Variants in RP1 observed in about 807,000 individuals in gnomAD.
RP1 encodes the protein RP1 axonemal microtubule associated.
Under a neutral mutation model 14.8 loss-of-function variants are expected in RP1, and 16 were observed. The observed-to-expected ratio is 1.08, with a 90% CI of 0.73 to 1.65. The LOEUF (loss-of-function observed/expected upper bound fraction) is 1.65. RP1 is among the 40% of genes most tolerant of loss of function. The pLI is 0.00. For missense variants in RP1, 2,631 were observed against 2,535.0 expected, an observed-to-expected ratio of 1.04 and a Z score of -0.81; for synonymous variants, 876 against 883.6, an observed-to-expected ratio of 0.99 and a Z score of 0.15.
In RP1 at chr8:54,625,446, A is replaced by G; in HGVS notation, c.1564A>G (p.Asn522Asp). The G allele has an allele frequency of 6.2e-7, 1 of 1,613,972 alleles. No homozygotes were observed. The change falls in exon 4 of 4, where the codon AAC (asparagine) becomes GAC (aspartate). Residue 522 changes from asparagine (N) to aspartate (D), a missense_variant. Physicochemically the swap from Asn to Asp is conservative, Grantham distance 23. Transcript: ENST00000220676. The stretch of plus-strand genomic sequence containing the variant: ...CAAACCAGTACTTGTTCAGATCAAT[A>G]ACAATGATCAAATGGAGGAGTCATC... The part of the protein sequence containing the change: ...SNKPVLVQIN[N>D]NDQMEESSLE...
intron 26 of RP1, among the ~76,000 whole-genome samples, chr8:54,856,654 C>T (rs1812205647): frequency 6.6e-6 from 1 of 152,074 alleles, no homozygotes; most frequent in African/African-American, 2.4e-5. Flanking sequence ...TAGTACTGAC[C>T]TTATGGGCTG....
intron 14 of RP1, among the ~76,000 whole-genome samples, chr8:54,703,094 G>A (rs1444945287): frequency 6.6e-6 from 1 of 152,086 alleles, no homozygotes. Context: ...TCCTGTTAAT[G>A]TTGAGATTTT....
chr8:54,652,034 G>A (rs993366045), intron 4 of RP1, among the ~76,000 whole-genome samples: 16 of 148,478 alleles, frequency 1.1e-4, no homozygotes, highest in African/African-American at 4.0e-4. Context: ...CTGAGATGGA[G>A]TCTATCTCTC....
intron 14 of RP1, among the ~76,000 whole-genome samples, chr8:54,702,469 A>G (rs752817210): frequency 6.6e-6 from 1 of 152,168 alleles, no homozygotes; most frequent in Non-Finnish European, 1.5e-5. Flanking sequence ...TAAAAAATGT[A>G]CATACCTTAA....
intron 24 of RP1, among the ~76,000 whole-genome samples, chr8:54,797,721 C>A (rs1215101014): frequency 1.3e-5 from 2 of 152,038 alleles, no homozygotes; most frequent in African/African-American, 4.8e-5. Flanking sequence ...CAGAAGAAAA[C>A]TTCGTGTCTT....
intron 1 of RP1, among the ~76,000 whole-genome samples, chr8:54,609,231 TAGG>T (rs1805533058): frequency 6.6e-6 from 1 of 151,626 alleles, no homozygotes; most frequent in Admixed American, 6.6e-5. Context: ...GAGGCCAAGG[TAGG>T]AGGATTACTT....
chr8:54,667,998 G>A (rs187472315), intron 7 of RP1, among the ~76,000 whole-genome samples: 5 of 152,056 alleles, frequency 3.3e-5, no homozygotes, highest in East Asian at 3.9e-4. Flanking sequence ...TGAGGCCAGC[G>A]TCATCCTGAT....
chr8:54,690,128 C>T (rs149395176), intron 12 of RP1, among the ~76,000 whole-genome samples: 17 of 152,020 alleles, frequency 1.1e-4, no homozygotes, highest in African/African-American at 4.1e-4. Context: ...AAAATATAGC[C>T]AATTTCAATA....
At chr8:54,859,349 C>G (rs199913461) in intron 27 of RP1, among the ~76,000 whole-genome samples, 1 of 70,648 alleles carries the variant, frequency 1.4e-5, no homozygotes, top group Non-Finnish European at 3.0e-5. Context: ...GGGTGGTGTC[C>G]CTGTGGAGTG....
chr8:54,832,526 C>G (rs987421901), intron 24 of RP1, among the ~76,000 whole-genome samples: 1 of 151,772 alleles, frequency 6.6e-6, no homozygotes, highest in African/African-American at 2.4e-5. Flanking sequence ...TTATATTCCT[C>G]TTTTCCTGTA....
chr8:54,615,427 G>A (rs1172600083), upstream of RP1, among the ~76,000 whole-genome samples: 1 of 152,176 alleles, frequency 6.6e-6, no homozygotes, highest in Non-Finnish European at 1.5e-5. Flanking sequence ...CTTCAAGTCC[G>A]ATTAGACCAC....
intron 12 of RP1, among the ~76,000 whole-genome samples, chr8:54,682,773 C>A (rs1392849083): frequency 6.6e-6 from 1 of 151,980 alleles, no homozygotes; most frequent in Admixed American, 6.6e-5. Flanking sequence ...ATGATAGTTT[C>A]TTTTACTGTG....
chr8:54,757,961 AACAGCATGGAGCCAATAGTTGAG>A (rs112996598), intron 21 of RP1, among the ~76,000 whole-genome samples: 85 of 152,372 alleles, frequency 5.6e-4, no homozygotes, highest in Non-Finnish European at 1.0e-3. Context: ...GGTTTCCATC[AACAGCATGGAGCCAATAGTTGAG>A]ACAGCATGGA....
intron 24 of RP1, among the ~76,000 whole-genome samples, chr8:54,835,908 A>G (rs890802816): frequency 2.0e-5 from 3 of 152,176 alleles, no homozygotes; most frequent in Non-Finnish European, 4.4e-5. Context: ...TCCTGTACTT[A>G]TCTGAACTAA....
intron 24 of RP1, among the ~76,000 whole-genome samples, chr8:54,822,274 T>C (rs1312867654): frequency 2.0e-5 from 3 of 152,214 alleles, no homozygotes; most frequent in African/African-American, 7.2e-5. Context: ...GTAAACATTC[T>C]GCAAAATGCT....
intron 19 of RP1, among the ~76,000 whole-genome samples, chr8:54,751,357 T>A (rs545159984): frequency 1.3e-5 from 2 of 152,242 alleles, no homozygotes; most frequent in African/African-American, 4.8e-5. Context: ...AAATGCTTGG[T>A]GAGCTGCCAT....
intron 24 of RP1, among the ~76,000 whole-genome samples, chr8:54,824,988 T>C (rs1319140290): frequency 6.8e-6 from 1 of 146,396 alleles, no homozygotes; most frequent in Non-Finnish European, 1.5e-5. Flanking sequence ...ATTTATGAGA[T>C]GGAGGCTCGC....
intron 24 of RP1, among the ~76,000 whole-genome samples, chr8:54,798,002 G>A (rs1451410273): frequency 1.3e-5 from 2 of 151,184 alleles, no homozygotes; most frequent in African/African-American, 2.4e-5. Context: ...CTCCTGGATG[G>A]TCTGATTTCC....
intron 7 of RP1, among the ~76,000 whole-genome samples, chr8:54,673,181 AT>A (rs917420935): frequency 2.6e-5 from 4 of 151,590 alleles, no homozygotes; most frequent in African/African-American, 4.8e-5. Context: ...TGTAGAAAGG[AT>A]TTTTTTTTCA....
Sources: gnomAD v4.1 joint callset for allele counts (sites outside exome capture counted in the v4.1 genomes callset) on GRCh38, gnomAD v4.1.1 for gene constraint, MANE v1.5 for transcripts, NCBI Gene and HGNC (gene_info 2026-07-23, HGNC 2026-07-21) for gene names.